Variants in BCAR3 observed in about 807,000 individuals in gnomAD.
BCAR3 encodes the protein breast cancer anti-estrogen resistance protein 3.
Under a neutral mutation model 80.1 loss-of-function variants are expected in BCAR3, and 37 were observed. The ratio of observed to expected loss-of-function variants is 0.46; its 90% CI spans 0.36 to 0.61. BCAR3 has a LOEUF of 0.61. Ranked by LOEUF, BCAR3 falls within the 20% of genes least tolerant of loss-of-function variation. BCAR3 has a pLI of 0.00. For missense variants in BCAR3, 978 were observed against 1,068.2 expected (o/e 0.92, Z 1.18); for synonymous variants, 389 against 418.9 (o/e 0.93, Z 0.87).
intron 2 of BCAR3, among the ~76,000 whole-genome samples, chr1:93,729,160 A>G (rs1650698966): frequency 6.6e-6 from 1 of 152,162 alleles, no homozygotes; most frequent in Non-Finnish European, 1.5e-5. Flanking sequence ...CGAAAACCAT[A>G]CAGATGATCT....
intron 9 of BCAR3, among the ~76,000 whole-genome samples, chr1:93,568,916 A>G (rs1673089120): frequency 6.6e-6 from 1 of 152,162 alleles, no homozygotes; most frequent in Admixed American, 6.5e-5. Flanking sequence ...TCAACCTCCC[A>G]GGCTCAGTGA....
intron 2 of BCAR3, among the ~76,000 whole-genome samples, chr1:93,798,482 A>C (rs745524268): frequency 2.0e-4 from 31 of 152,296 alleles, no homozygotes; most frequent in Admixed American, 5.9e-4. Context: ...AAGATCAGAA[A>C]CTTGAGAGCC....
At position 93,582,447 on chromosome 1, in the gene BCAR3, A is replaced by C. The variant is rs1193262953; in HGVS notation, c.1540T>G (p.Ser514Ala). 1.2e-6 allele frequency: 2 copies of C among 1,614,046 alleles called. No homozygotes were observed. The highest frequency in any genetic ancestry group is 1.7e-6 in the Non-Finnish European group (2 of 1,180,032). ...GACTCAAACTCGTTGGGCCTGAAGG[A>C]GGAGACAGTCTCCAGGAGGGGCGTC... ...FVTPLLETVS[S>A]FRPNEFESKF... Residue 514 changes from serine to alanine, a missense_variant, in exon 7 of 12, where the codon TCC (serine) becomes GCC (alanine). Coordinates refer to ENST00000260502, the MANE Select transcript of BCAR3 (RefSeq NM_003567.4).
Position 93,571,781 on chromosome 1 carries a change from C to T in BCAR3, c.1863G>A (p.Glu621=). Reference sequence around the variant, plus strand: ...TCTTACTCAGAGTGGCCGCTCGGTCCTCCAAAGTGCCCGTGCATCCCAGAA... The same window carrying T: ...TCTTACTCAGAGTGGCCGCTCGGTCTTCCAAAGTGCCCGTGCATCCCAGAA... ...VDILGCTGTL[E]DRAATLSKII... Residue 621 remains glutamate (E), a synonymous_variant, in exon 9 of 12, where the codon GAG becomes GAA. Transcript: ENST00000260502. 1 of 1,614,152 alleles carries T rather than the reference C, an allele frequency of 6.2e-7. No homozygotes were observed. The highest frequency in any genetic ancestry group is 1.1e-5 in the South Asian group (1 of 91,090).
intron 2 of BCAR3, among the ~76,000 whole-genome samples, chr1:93,810,230 C>T (rs551516744): frequency 5.0e-4 from 75 of 150,060 alleles, no homozygotes; most frequent in African/African-American, 1.8e-3. Context: ...TAGAAGTTAT[C>T]TCCAGGTCTT....
At chr1:93,840,700 G>C (rs1315660856) in intron 2 of BCAR3, among the ~76,000 whole-genome samples, 1 of 152,162 alleles carries the variant, frequency 6.6e-6, no homozygotes, top group African/African-American at 2.4e-5. Flanking sequence ...ACGCATTCAG[G>C]CATCATTTAT....
chr1:93,668,294 T>C (rs985154422), intron 2 of BCAR3, among the ~76,000 whole-genome samples: 3 of 152,158 alleles, frequency 2.0e-5, no homozygotes, highest in Admixed American at 1.3e-4. Context: ...TCCTGGCATT[T>C]AGGTTCAAAT....
At chr1:93,644,207 G>A (rs563255787) in intron 2 of BCAR3, among the ~76,000 whole-genome samples, 19 of 152,152 alleles carry the variant, frequency 1.2e-4, no homozygotes, top group African/African-American at 4.6e-4. Context: ...TTTCTTCCAG[G>A]CCCTCCCAAT....
rs755388139 is a variant in BCAR3 at position 93,674,753 on chromosome 1, G to A, written c.178C>T (p.Pro60Ser). ...CTGAAGTCATCACAGGACCTTATGG[G>A]AGGAGGACCTTTTTTCTTCCGTGGA... ...TLPRKKKGPPPIRSCDDFSHM... is the reference protein window; with the variant it reads ...TLPRKKKGPPSIRSCDDFSHM... Residue 60 changes from proline (P) to serine (S), a missense_variant, in exon 2 of 12, where the codon CCC becomes TCC. Transcript: ENST00000260502. The A allele has an allele frequency of 2.5e-6, 4 of 1,613,272 alleles. No homozygotes were observed. Among genetic ancestry groups the A allele is most frequent in the Non-Finnish European group, 2.5e-6 (3 of 1,179,868 alleles).
chr1:93,576,954 A>T (rs1673484083), intron 7 of BCAR3, among the ~76,000 whole-genome samples: 2 of 152,190 alleles, frequency 1.3e-5, no homozygotes, highest in Admixed American at 1.3e-4. Flanking sequence ...CAGGAGTTTG[A>T]GACCAGCTGA....
chr1:93,675,607 G>A (rs1648436505), intron 1 of BCAR3, among the ~76,000 whole-genome samples: 1 of 152,146 alleles, frequency 6.6e-6, no homozygotes, highest in African/African-American at 2.4e-5. Flanking sequence ...GAGGGGTCAG[G>A]ATCTGCCTGC....
chr1:93,623,918 G>A (rs1675385237), intron 3 of BCAR3, among the ~76,000 whole-genome samples: 1 of 152,176 alleles, frequency 6.6e-6, no homozygotes, highest in Non-Finnish European at 1.5e-5. Context: ...TTAATAATAG[G>A]GTTGTACACT....
At chr1:93,710,006 G>T (rs911074612) in intron 2 of BCAR3, among the ~76,000 whole-genome samples, 1 of 152,224 alleles carries the variant, frequency 6.6e-6, no homozygotes, top group South Asian at 2.1e-4. Flanking sequence ...AGTTGTTTTG[G>T]GGAACATTCC....
rs1557708453 is a variant in BCAR3, at chr1:93,845,486, A to ATC, written c.-63+80_-63+81insGA. ...TTTATATATATATATATATATATAT[A>ATC]TATATATATATATATAAAACTTTGT... On this transcript the variant is annotated intron_variant, in intron 2 of 13. Transcript: ENST00000370244. The ATC allele has an allele frequency of 5.6e-4, 3 of 5,386 alleles. 1 individual carries two copies. The highest frequency in any genetic ancestry group is 3.1e-3 in the African/African-American group (2 of 650). The allele number at this position is 5,386 out of a possible 1,614,324, so 0.3% of individuals were successfully genotyped here. A position where few individuals can be genotyped will look rare whatever the true frequency, so the allele number is the denominator to read the frequency against.
At chr1:93,846,503 C>A (rs997661601) in intron 1 of BCAR3, among the ~76,000 whole-genome samples, 3 of 152,256 alleles carry the variant, frequency 2.0e-5, no homozygotes, top group Admixed American at 6.5e-5. Context: ...GGATGGGGAT[C>A]ACTGCGGGCA....
At chr1:93,732,368 A>T (rs1297965655) in intron 2 of BCAR3, among the ~76,000 whole-genome samples, 1 of 152,170 alleles carries the variant, frequency 6.6e-6, no homozygotes, top group Non-Finnish European at 1.5e-5. Context: ...TAATCCCAGC[A>T]CTTTGGGAGG....
chr1:93,711,699 A>G (rs1650028509), intron 2 of BCAR3, among the ~76,000 whole-genome samples: 1 of 152,228 alleles, frequency 6.6e-6, no homozygotes, highest in Non-Finnish European at 1.5e-5. Context: ...TACCTGGCAC[A>G]TAGTAGAGAC....
At chr1:93,607,813 C>G (rs757626340) in intron 3 of BCAR3, among the ~76,000 whole-genome samples, 12 of 152,192 alleles carry the variant, frequency 7.9e-5, no homozygotes, top group Non-Finnish European at 1.6e-4. Context: ...CCCTGGATCT[C>G]ACAATAGGCT....
chr1:93,700,522 T>A (rs573021664), intron 3 of BCAR3, among the ~76,000 whole-genome samples: 1 of 152,354 alleles, frequency 6.6e-6, no homozygotes, highest in South Asian at 2.1e-4. Flanking sequence ...ACATCTGCAC[T>A]GTACCTGAGC....
Sources: gnomAD v4.1 joint callset for allele counts (sites outside exome capture counted in the v4.1 genomes callset) on GRCh38, gnomAD v4.1.1 for gene constraint, MANE v1.5 for transcripts, NCBI Gene and HGNC (gene_info 2026-07-23, HGNC 2026-07-21) for gene names.